C20orf203: variants seen among roughly 807,000 people sequenced by gnomAD.
C20orf203 encodes the protein chromosome 20 open reading frame 203.
Under a neutral mutation model 15.9 loss-of-function variants are expected in C20orf203, and 16 were observed. The ratio of observed to expected loss-of-function variants is 1.01; its 90% CI spans 0.68 to 1.53. C20orf203 has a LOEUF of 1.53. C20orf203 is among the 40% of genes most tolerant of loss of function. The pLI is 0.00. For synonymous variants in C20orf203, 98 were observed against 97.2 expected (o/e 1.01, Z -0.05); for missense variants, 263 against 247.5 (o/e 1.06, Z -0.42).
intron 4 of C20orf203, among the ~76,000 whole-genome samples, chr20:32,647,121 G>A (rs1468702046): frequency 4.6e-5 from 7 of 152,204 alleles, no homozygotes; most frequent in Non-Finnish European, 1.0e-4. Context: ...AGGGCCGGGC[G>A]CAGTGGCTCA....
In C20orf203 at chr20:32,637,850, G is replaced by A. The variant is rs536947441; in HGVS notation, c.*1299+2716C>T. On this transcript the variant is annotated intron_variant, in intron 5 of 5. Coordinates refer to ENST00000608990, the MANE Select transcript of C20orf203 (RefSeq NM_182584.4). ...TTCAACAGACATCAGTGCCCTCTGC[G>A]TCACTGTGTGTGCATGCATGCATGT... Among the ~76,000 whole-genome samples the A allele has an allele frequency of 1.8e-4, 28 of 152,256 alleles. No homozygotes were observed. The South Asian group carries it at 2.9e-3, about 16-fold the overall frequency.
chr20:32,666,155 T>TAAAAAAAAAAAA (rs147487671), intron 1 of C20orf203, among the ~76,000 whole-genome samples: 4 of 102,772 alleles, frequency 3.9e-5, no homozygotes, highest in Non-Finnish European at 7.5e-5. Flanking sequence ...ATAAATAAAG[T>TAAAAAAAAAAAA]AAAAAAAAAA....
chr20:32,667,902 C>T (rs1484800518), intron 1 of C20orf203, among the ~76,000 whole-genome samples: 1 of 152,170 alleles, frequency 6.6e-6, no homozygotes, highest in East Asian at 1.9e-4. Context: ...ATCTCCTGAC[C>T]TCGTGATCTG....
chr20:32,644,569 C>T (rs1387574728), intron 4 of C20orf203, among the ~76,000 whole-genome samples: 1 of 152,150 alleles, frequency 6.6e-6, no homozygotes, highest in Non-Finnish European at 1.5e-5. Context: ...CAGGAGTCCC[C>T]TGGGGGCACC....
chr20:32,665,137 G>T (rs1222695933), intron 1 of C20orf203, among the ~76,000 whole-genome samples: 1 of 152,222 alleles, frequency 6.6e-6, no homozygotes, highest in African/African-American at 2.4e-5. Flanking sequence ...CAGGGTCCCA[G>T]GTTCCTAGGA....
At chr20:32,652,996 A>G (rs745357252) in intron 1 of C20orf203, among the ~76,000 whole-genome samples, 58 of 152,208 alleles carry the variant, frequency 3.8e-4, no homozygotes, top group Non-Finnish European at 7.5e-4. Flanking sequence ...AGCCACAGGA[A>G]GTCTGTGCAA....
chr20:32,652,976 G>A (rs116951392), intron 1 of C20orf203, among the ~76,000 whole-genome samples: 2,644 of 152,232 alleles, frequency 0.017, 33 homozygotes, highest in Non-Finnish European at 0.029. Flanking sequence ...CCAGAGGAGC[G>A]GGCTGGTCTA....
intron 1 of C20orf203, among the ~76,000 whole-genome samples, chr20:32,672,248 A>C (rs1016617759): frequency 6.6e-6 from 1 of 152,096 alleles, no homozygotes; most frequent in African/African-American, 2.4e-5. Flanking sequence ...CTGAGGCAGG[A>C]GAATCGCTTG....
chr20:32,669,789 G>T (rs752349056), intron 1 of C20orf203, among the ~76,000 whole-genome samples: 1 of 152,306 alleles, frequency 6.6e-6, no homozygotes, highest in Non-Finnish European at 1.5e-5. Flanking sequence ...GGCAAGAAAA[G>T]CAAAAATAGA....
In C20orf203 at chr20:32,632,304, A is replaced by C. The variant is rs1462799637; in HGVS notation, c.*3266T>G. 1 of 151,578 alleles carries C rather than the reference A, an allele frequency of 6.6e-6. No homozygotes were observed. Among genetic ancestry groups the C allele is most frequent in the Non-Finnish European group, 1.5e-5 (1 of 67,922 alleles). 9.4% of individuals were successfully genotyped at this position (151,578 alleles called of 1,614,324 possible). A position where few individuals can be genotyped will look rare whatever the true frequency, so the allele number is the denominator to read the frequency against. On this transcript the variant is annotated 3_prime_UTR_variant, in exon 6 of 6. Transcript: ENST00000608990. Reference sequence around the variant, plus strand: ...GGGCCCTGAGCTAGACACATTTCCTACTCCCTAACTTTGGCCTTTAAATCT... The same window carrying C: ...GGGCCCTGAGCTAGACACATTTCCTCCTCCCTAACTTTGGCCTTTAAATCT...
In C20orf203 at chr20:32,659,341, G is replaced by C. The variant is rs537545279; in HGVS notation, c.-263-7360C>G. ...GAGAAGCCCTGGGCAGGAGGCCTGG[G>C]GCTAGGGGCAGGTTCTCATCCTGCC... On this transcript the variant is annotated intron_variant, in intron 1 of 5. Coordinates refer to ENST00000608990, the MANE Select transcript of C20orf203 (RefSeq NM_182584.4). Among the ~76,000 whole-genome samples, 4 of 152,314 alleles carry C rather than the reference G, an allele frequency of 2.6e-5. No homozygotes were observed. The East Asian group carries it at 7.7e-4, about 29-fold the overall frequency.
chr20:32,656,197 T>A (rs963033491), intron 1 of C20orf203, among the ~76,000 whole-genome samples: 2 of 152,234 alleles, frequency 1.3e-5, no homozygotes, highest in African/African-American at 4.8e-5. Flanking sequence ...GCTATTCCTT[T>A]ATAGCAATGC....
rs140349751 is a variant in C20orf203 at position 32,635,702 on chromosome 20, T to A, written c.*1300-1432A>T. Among the ~76,000 whole-genome samples, 1,499 of 152,166 alleles carry A rather than the reference T, an allele frequency of 9.9e-3. 23 individuals are homozygous for A. The highest frequency in any genetic ancestry group is 0.014 in the Non-Finnish European group (945 of 67,992). ...GGTGTGTGCCTGTAGTCCCAGCTACTCGGGAGGCTGAGGTGGGAGGATCGC... is the reference window on the plus strand; with the variant it reads ...GGTGTGTGCCTGTAGTCCCAGCTACACGGGAGGCTGAGGTGGGAGGATCGC... On this transcript the variant is annotated intron_variant, in intron 5 of 5. Coordinates refer to ENST00000608990, the MANE Select transcript of C20orf203 (RefSeq NM_182584.4).
chr20:32,641,866 C>T (rs1212636771), intron 4 of C20orf203, among the ~76,000 whole-genome samples: 1 of 152,144 alleles, frequency 6.6e-6, no homozygotes, highest in Admixed American at 6.6e-5. Flanking sequence ...GAGACAGAGT[C>T]TCACTCTGTT....
chr20:32,642,689 C>T (rs531736161), intron 4 of C20orf203, among the ~76,000 whole-genome samples: 21 of 152,226 alleles, frequency 1.4e-4, no homozygotes, highest in Middle Eastern at 3.4e-3. Context: ...TGGTCAGAGG[C>T]GGGCAGGGAA....
intron 1 of C20orf203, among the ~76,000 whole-genome samples, chr20:32,663,094 G>A (rs1030017335): frequency 3.3e-5 from 5 of 151,586 alleles, no homozygotes; most frequent in Non-Finnish European, 5.9e-5. Context: ...GATTATAGGC[G>A]CCCACCACCA....
intron 1 of C20orf203, among the ~76,000 whole-genome samples, chr20:32,663,253 T>C (rs550367584): frequency 6.6e-6 from 1 of 152,032 alleles, no homozygotes; most frequent in East Asian, 1.9e-4. Context: ...CAGCTAGATT[T>C]ATATTTTTAC....
At chr20:32,640,059 G>A (rs1179667429) in intron 5 of C20orf203, among the ~76,000 whole-genome samples, 1 of 152,178 alleles carries the variant, frequency 6.6e-6, no homozygotes, top group Admixed American at 6.5e-5. Flanking sequence ...CCCACAGCCA[G>A]GGAGTGGTGG....
chr20:32,644,722 C>T (rs1459757997), intron 4 of C20orf203, among the ~76,000 whole-genome samples: 1 of 151,948 alleles, frequency 6.6e-6, no homozygotes, highest in African/African-American at 2.4e-5. Context: ...GCCTCTTGAA[C>T]ACAGGACAAG....
Sources: allele counts gnomAD v4.1 joint callset (sites outside exome capture counted in the v4.1 genomes callset), GRCh38; gene constraint gnomAD v4.1.1; transcripts MANE v1.5; gene names NCBI Gene and HGNC (gene_info 2026-07-23, HGNC 2026-07-21).